The following CD226 variants were observed in gnomAD, a reference collection of about 807,000 sequenced individuals.
CD226 encodes the protein CD226 antigen.
A neutral mutation model predicts 34.9 loss-of-function variants in CD226; 24 were observed. The ratio of observed to expected loss-of-function variants is 0.69; its 90% confidence interval spans 0.50 to 0.97. The LOEUF is 0.97. Ranked by LOEUF, CD226 falls within the 50% of genes least tolerant of loss-of-function variation. CD226 has a pLI of 0.00. For synonymous variants in CD226, 148 were observed against 147.4 expected (o/e 1.00, Z -0.03); for missense variants, 397 against 412.7 (o/e 0.96, Z 0.33).
chr18:69,928,852 T>C (rs1166497411), intron 2 of CD226, among the ~76,000 whole-genome samples: 1 of 152,114 alleles, frequency 6.6e-6, no homozygotes, highest in Admixed American at 6.5e-5. Context: ...AGCAAAAATA[T>C]CTACAATTCA....
intron 2 of CD226, among the ~76,000 whole-genome samples, chr18:69,901,903 T>C (rs1432403080): frequency 6.6e-6 from 1 of 151,906 alleles, no homozygotes; most frequent in African/African-American, 2.4e-5. Flanking sequence ...AAGTATTTGT[T>C]AGTACAAGAT....
At chr18:69,879,849 C>T (rs932163798) in intron 3 of CD226, among the ~76,000 whole-genome samples, 1 of 152,208 alleles carries the variant, frequency 6.6e-6, no homozygotes, top group Non-Finnish European at 1.5e-5. Flanking sequence ...AGCACCATTT[C>T]CCAGTGGATT....
Position 69,856,584 on chromosome 18 carries a change from G to A in CD226, c.*7730C>T, listed in dbSNP as rs1982616437. ...TAAAATACACCTGAAAAATTTAAAA[G>A]AATAGAAATTATACAAAGAATGTTT... On this transcript the variant is annotated 3_prime_UTR_variant, in exon 6 of 6. Transcript: ENST00000582621. 6.6e-6 allele frequency: 1 copy of A among 151,938 alleles called. No homozygotes were observed. The highest frequency in any genetic ancestry group is 2.1e-4 in the South Asian group (1 of 4,828). 9.4% of individuals were successfully genotyped at this position (151,938 alleles called of 1,614,324 possible).
rs557726707 is a variant in CD226 at position 69,898,279 on chromosome 18, G to A, written c.383-2234C>T. On this transcript the variant is annotated intron_variant, in intron 2 of 5. Transcript: ENST00000582621. ...CTGGGAAGTAAGAGGCAGCGTGAAT[G>A]CGTGTCCTCAGTGCTCACACGCACA... Among the ~76,000 whole-genome samples, 3 of 152,286 alleles carry A rather than the reference G, an allele frequency of 2.0e-5. No homozygotes were observed. In the South Asian group the frequency reaches 6.2e-4, roughly 32 times the overall value.
At chr18:69,876,464 T>C (rs1280303476) in intron 3 of CD226, among the ~76,000 whole-genome samples, 6 of 152,218 alleles carry the variant, frequency 3.9e-5, no homozygotes, top group Non-Finnish European at 7.3e-5. Flanking sequence ...TTTTTAGTAA[T>C]GTTTGGCCTC....
chr18:69,927,503 G>A (rs572980027), intron 2 of CD226, among the ~76,000 whole-genome samples: 1 of 152,018 alleles, frequency 6.6e-6, no homozygotes, highest in African/African-American at 2.4e-5. Flanking sequence ...TTATCTCACA[G>A]AATCGAAATC....
chr18:69,891,080 C>T (rs1788236), intron 3 of CD226, among the ~76,000 whole-genome samples: 29,194 of 147,114 alleles, frequency 0.2, 3,488 homozygotes, highest in African/African-American at 0.34. Context: ...AAATCCTCAA[C>T]AAAATACTAG....
chr18:69,945,696 A>G (rs1442911524), intron 2 of CD226, among the ~76,000 whole-genome samples: 1 of 152,162 alleles, frequency 6.6e-6, no homozygotes, highest in Non-Finnish European at 1.5e-5. Flanking sequence ...TCTACAAAAA[A>G]TACAACAATC....
At chr18:69,864,551 AT>A in intron 5 of CD226, 112 bp from the exon 6 acceptor site, 1 of 1,009,242 alleles carries the variant, frequency 9.9e-7, no homozygotes, top group Non-Finnish European at 1.5e-6. Context: ...ACAAGTTTCC[AT>A]TATAATTAAT....
chr18:69,950,789 G>A (rs536929846), upstream of CD226, among the ~76,000 whole-genome samples: 1 of 152,186 alleles, frequency 6.6e-6, no homozygotes, highest in African/African-American at 2.4e-5. Context: ...AAGAGCGATT[G>A]GAGATTGTTA....
intron 2 of CD226, among the ~76,000 whole-genome samples, chr18:69,904,092 T>C (rs1236735582): frequency 6.6e-6 from 1 of 151,958 alleles, no homozygotes. Flanking sequence ...AAAAATAAGC[T>C]AAAAGACCGC....
chr18:69,922,430 T>C lies in CD226; in HGVS notation c.382+24304A>G, dbSNP rs188977777. ...CCAAGTAGCTGGGACCACAGATGCA[T>C]ACCACCACAACTGGATAATTTTTTA... On this transcript the variant is annotated intron_variant, in intron 2 of 5. Coordinates refer to ENST00000582621, the MANE Select transcript of CD226 (RefSeq NM_001303618.2). Among the ~76,000 whole-genome samples the C allele has an allele frequency of 2.1e-3, 314 of 152,228 alleles. 1 individual carries two copies. Among genetic ancestry groups the C allele is most frequent in the African/African-American group, 7.3e-3 (302 of 41,520 alleles).
intron 3 of CD226, among the ~76,000 whole-genome samples, chr18:69,887,956 T>C (rs1984658782): frequency 1.3e-5 from 2 of 152,342 alleles, no homozygotes; most frequent in South Asian, 4.1e-4. Flanking sequence ...TTCAAAGATA[T>C]ACTTCTACTT....
chr18:69,916,489 C>T (rs928885408), intron 2 of CD226, among the ~76,000 whole-genome samples: 5 of 152,112 alleles, frequency 3.3e-5, no homozygotes, highest in East Asian at 1.9e-4. Flanking sequence ...AAATACCCTC[C>T]GGAAAGCCAT....
intron 1 of CD226, among the ~76,000 whole-genome samples, chr18:69,953,999 C>CAA (rs933349209): frequency 6.8e-5 from 5 of 73,750 alleles, no homozygotes; most frequent in African/African-American, 1.0e-4. Context: ...GACTCCGTTT[C>CAA]AAAAAAAAAA....
intron 2 of CD226, among the ~76,000 whole-genome samples, chr18:69,903,480 T>C (rs930524634): frequency 1.3e-5 from 2 of 152,126 alleles, no homozygotes; most frequent in African/African-American, 4.8e-5. Context: ...ACAGGTGGAA[T>C]TGTGTCCCCC....
At chr18:69,911,605 C>T (rs905216291) in intron 2 of CD226, among the ~76,000 whole-genome samples, 2 of 152,158 alleles carry the variant, frequency 1.3e-5, no homozygotes, top group African/African-American at 4.8e-5. Context: ...AATGCTAACA[C>T]TCATATAAGT....
intron 2 of CD226, among the ~76,000 whole-genome samples, chr18:69,898,448 T>C (rs1046014908): frequency 6.6e-6 from 1 of 152,182 alleles, no homozygotes. Context: ...GGTCTACTCA[T>C]AGCCGTGTCT....
intron 4 of CD226, among the ~76,000 whole-genome samples, chr18:69,868,339 A>G (rs544530523): frequency 1.3e-5 from 2 of 152,348 alleles, no homozygotes; most frequent in South Asian, 4.1e-4. Flanking sequence ...AGTTCTCTTT[A>G]AGGTGAGGTT....
Sources: allele counts gnomAD v4.1 joint callset (sites outside exome capture counted in the v4.1 genomes callset), GRCh38; gene constraint gnomAD v4.1.1; transcripts MANE v1.5; gene names NCBI Gene and HGNC (gene_info 2026-07-23, HGNC 2026-07-21).